The following SHISA9 variants were observed in gnomAD, a reference collection of about 807,000 sequenced individuals.
SHISA9 encodes shisa family member 9.
Under a neutral mutation model 38.0 loss-of-function variants are expected in SHISA9, and 13 were observed. The observed-to-expected ratio is 0.34, with a 90% CI of 0.22 to 0.54. The LOEUF is 0.54. Ranked by LOEUF, SHISA9 falls within the 20% of genes least tolerant of loss-of-function variation. SHISA9 has a pLI of 0.91. For synonymous variants in SHISA9, 275 were observed against 242.0 expected (o/e 1.14, Z -1.27); for missense variants, 538 against 575.8 (o/e 0.93, Z 0.67).
the SHISA9 span, among the ~76,000 whole-genome samples, chr16:13,481,657 A>G: frequency 6.6e-6 from 1 of 152,252 alleles, no homozygotes; most frequent in African/African-American, 2.4e-5. Context: ...TGCCCGGCAC[A>G]TAGAGGCTAC....
the SHISA9 span, among the ~76,000 whole-genome samples, chr16:13,455,734 C>T: frequency 6.6e-6 from 1 of 152,180 alleles, no homozygotes; most frequent in African/African-American, 2.4e-5. Flanking sequence ...GCAATTACCC[C>T]TCAGCTTTTT....
intron 2 of SHISA9, among the ~76,000 whole-genome samples, chr16:13,006,328 GC>G (rs140808688): frequency 0.028 from 4,311 of 152,218 alleles, 190 homozygotes; most frequent in African/African-American, 0.097. Flanking sequence ...TGAGCCATGG[GC>G]AGCGGGGAAA....
the SHISA9 span, among the ~76,000 whole-genome samples, chr16:13,437,587 C>A: frequency 1.3e-5 from 2 of 152,144 alleles, no homozygotes; most frequent in Non-Finnish European, 2.9e-5. Flanking sequence ...TGTGTTACCT[C>A]CCAAGCCATA....
intron 2 of SHISA9, among the ~76,000 whole-genome samples, chr16:13,131,901 A>G (rs1032283100): frequency 7.2e-5 from 11 of 152,218 alleles, no homozygotes; most frequent in Non-Finnish European, 1.5e-4. Context: ...TGGTGGAAAT[A>G]GACGCTGATC....
chr16:13,100,029 C>G (rs2073863443), intron 2 of SHISA9, among the ~76,000 whole-genome samples: 2 of 152,260 alleles, frequency 1.3e-5, no homozygotes, highest in African/African-American at 2.4e-5. Context: ...GGTCTGGGGA[C>G]TGTAGCAAAG....
chr16:12,947,279 T>C (rs114803759), intron 2 of SHISA9, among the ~76,000 whole-genome samples: 2,055 of 152,284 alleles, frequency 0.013, 50 homozygotes, highest in African/African-American at 0.047. Context: ...TACAGATCCT[T>C]CTCTCCAAGG....
At chr16:13,435,604 G>C in the SHISA9 span, among the ~76,000 whole-genome samples, 520 of 152,170 alleles carry the variant, frequency 3.4e-3, 4 homozygotes, top group Non-Finnish European at 3.3e-3. Flanking sequence ...GCTCAGCCTT[G>C]GCAAAAACCT....
At chr16:13,395,385 C>T in the SHISA9 span, among the ~76,000 whole-genome samples, 1 of 152,190 alleles carries the variant, frequency 6.6e-6, no homozygotes, top group African/African-American at 2.4e-5. Flanking sequence ...TCATGATAGC[C>T]CATAGGGCAA....
intron 2 of SHISA9, among the ~76,000 whole-genome samples, chr16:13,160,403 A>C (rs1345693203): frequency 2.6e-5 from 4 of 152,186 alleles, no homozygotes; most frequent in South Asian, 2.1e-4. Flanking sequence ...CTATTCACCC[A>C]AGAGGCACTT....
chr16:13,329,688 C>A, the SHISA9 span, among the ~76,000 whole-genome samples: 10 of 152,174 alleles, frequency 6.6e-5, no homozygotes, highest in Non-Finnish European at 1.2e-4. Flanking sequence ...CCCAGGACAA[C>A]CTGCTGGATG....
intron 2 of SHISA9, among the ~76,000 whole-genome samples, chr16:12,999,917 G>C (rs35864100): frequency 6.6e-6 from 1 of 152,172 alleles, no homozygotes; most frequent in East Asian, 1.9e-4. Flanking sequence ...GAATGCAATG[G>C]AAGCTGGGAA....
chr16:13,287,707 C>T, the SHISA9 span, among the ~76,000 whole-genome samples: 374 of 152,202 alleles, frequency 2.5e-3, 2 homozygotes, highest in South Asian at 5.4e-3. Context: ...GGATGTAGAG[C>T]ATAGACTGGA....
intron 2 of SHISA9, among the ~76,000 whole-genome samples, chr16:13,019,884 C>CTCCCTCCTTTCTTTCT (rs1567184073): frequency 4.8e-5 from 1 of 20,892 alleles, no homozygotes; most frequent in Non-Finnish European, 9.4e-5. Context: ...CCCTCCCTCC[C>CTCCCTCCTTTCTTTCT]TTCTTTCTTT....
chr16:13,438,799 T>C, the SHISA9 span, among the ~76,000 whole-genome samples: 2 of 152,178 alleles, frequency 1.3e-5, no homozygotes, highest in East Asian at 1.9e-4. Context: ...TTAAAAATAA[T>C]TGGGATTAGT....
At chr16:12,907,007 A>AT (rs528472181) in intron 1 of SHISA9, among the ~76,000 whole-genome samples, 1 of 151,300 alleles carries the variant, frequency 6.6e-6, no homozygotes, top group African/African-American at 2.4e-5. Context: ...CTCTTTCCAT[A>AT]TTTTTTTCTT....
At position 13,086,123 on chromosome 16, in the gene SHISA9, C is replaced by T. The variant is rs60984854; in HGVS notation, c.692-117271C>T. ...CTGTAATCCCAGCACTTTGGGAGGCCGAGGCGGGCAGATCATGAGGTCAAG... is the reference window on the plus strand; with the variant it reads ...CTGTAATCCCAGCACTTTGGGAGGCTGAGGCGGGCAGATCATGAGGTCAAG... On this transcript the variant is annotated intron_variant, in intron 2 of 4. Transcript: ENST00000558583. Among the ~76,000 whole-genome samples, 1,087 of 151,888 alleles carry T rather than the reference C, an allele frequency of 7.2e-3. 38 individuals carry two copies. Among genetic ancestry groups the T allele is most frequent in the Admixed American group, 0.059 (903 of 15,238 alleles).
the SHISA9 span, among the ~76,000 whole-genome samples, chr16:13,482,070 C>G: frequency 6.6e-6 from 1 of 152,208 alleles, no homozygotes; most frequent in Non-Finnish European, 1.5e-5. Flanking sequence ...TGTGCTTTTT[C>G]CATCCCTGCC....
At chr16:12,926,060 A>C (rs970657685) in intron 2 of SHISA9, among the ~76,000 whole-genome samples, 1 of 152,140 alleles carries the variant, frequency 6.6e-6, no homozygotes, top group Admixed American at 6.6e-5. Context: ...TCATAAAATA[A>C]TTGAAATGTG....
At chr16:12,982,588 G>A (rs994944813) in intron 2 of SHISA9, among the ~76,000 whole-genome samples, 1 of 152,178 alleles carries the variant, frequency 6.6e-6, no homozygotes, top group Non-Finnish European at 1.5e-5. Context: ...ACTTTTGTAT[G>A]ATAGGTCAGG....
Sources: allele counts gnomAD v4.1 joint callset (sites outside exome capture counted in the v4.1 genomes callset), GRCh38; gene constraint gnomAD v4.1.1; transcripts MANE v1.5; gene names NCBI Gene and HGNC (gene_info 2026-07-23, HGNC 2026-07-21).